LHX6: variants seen among roughly 807,000 people sequenced by gnomAD.
The protein encoded by LHX6 is LIM/homeobox protein Lhx6.
A neutral mutation model predicts 47.1 loss-of-function variants in LHX6; 15 were observed. The ratio of observed to expected loss-of-function variants is 0.32; its 90% CI spans 0.21 to 0.49. The LOEUF (loss-of-function observed/expected upper bound fraction) is 0.49, where lower values mean the gene tolerates loss of function less well. Ranked by LOEUF, LHX6 falls within the 20% of genes least tolerant of loss-of-function variation. The probability of loss-of-function intolerance (pLI) is 0.99; values close to 1 mark genes in which losing one functional copy is unlikely to be tolerated. For synonymous variants in LHX6, 242 were observed against 233.5 expected (o/e 1.04, Z -0.33); for missense variants, 404 against 539.6 (o/e 0.75, Z 2.49).
chr9:122,209,261 C>A (rs1214811937), intron 9 of LHX6, among the ~76,000 whole-genome samples: 1 of 152,170 alleles, frequency 6.6e-6, no homozygotes, highest in Non-Finnish European at 1.5e-5. Context: ...TCCCAACAGA[C>A]AAGAATGAAA....
At chr9:122,216,600 G>A (rs1445763286) in intron 5 of LHX6, among the ~76,000 whole-genome samples, 1 of 152,150 alleles carries the variant, frequency 6.6e-6, no homozygotes, top group Non-Finnish European at 1.5e-5. Context: ...CTCTGGCTTG[G>A]AGCTGCTAGG....
Position 122,228,898 on chromosome 9 carries a change from C to T in LHX6, c.-158G>A. On this transcript the variant is annotated 5_prime_UTR_variant, in exon 1 of 10. Coordinates refer to ENST00000394319, the MANE Select transcript of LHX6 (RefSeq NM_014368.5). Reference sequence around the variant, plus strand: ...CCCGGCCTCAGCCCCCGCCCCCGGCCCGCGCGCAGCCCCGGCCTCCCTGGC... The same window carrying T: ...CCCGGCCTCAGCCCCCGCCCCCGGCTCGCGCGCAGCCCCGGCCTCCCTGGC... The T allele has an allele frequency of 3.3e-6, 1 of 303,210 alleles. No homozygotes were observed. Among genetic ancestry groups the T allele is most frequent in the Non-Finnish European group, 5.4e-6 (1 of 185,642 alleles). The allele number at this position is 303,210 out of a possible 1,614,324, so 18.8% of individuals were successfully genotyped here. A position where few individuals can be genotyped will look rare whatever the true frequency, so the allele number is the denominator to read the frequency against.
At chr9:122,225,431 T>C (rs1267636732) in intron 4 of LHX6, among the ~76,000 whole-genome samples, 2 of 152,202 alleles carry the variant, frequency 1.3e-5, no homozygotes, top group African/African-American at 4.8e-5. Context: ...CTCGACCCCA[T>C]AATCAGGTCA....
intron 9 of LHX6, among the ~76,000 whole-genome samples, chr9:122,209,307 T>C (rs2118832607): frequency 6.6e-6 from 1 of 152,296 alleles, no homozygotes; most frequent in Admixed American, 6.5e-5. Flanking sequence ...AGTGGGGTGA[T>C]GAGTGATATA....
intron 4 of LHX6, among the ~76,000 whole-genome samples, chr9:122,225,904 C>T (rs1192050499): frequency 6.6e-6 from 1 of 152,196 alleles, no homozygotes; most frequent in Non-Finnish European, 1.5e-5. Context: ...GGGCAAGAGT[C>T]CGAAGCCCAG....
chr9:122,210,668 T>A (rs1830364814), intron 8 of LHX6, among the ~76,000 whole-genome samples: 1 of 152,148 alleles, frequency 6.6e-6, no homozygotes, highest in Non-Finnish European at 1.5e-5. Flanking sequence ...TTCAAGTGAT[T>A]CTCCCACCTT....
Position 122,226,219 on chromosome 9 carries a change from G to A in LHX6, c.461+157C>T, listed in dbSNP as rs1292218227. 1.3e-5 allele frequency among the ~76,000 whole-genome samples: 2 copies of A among 152,230 alleles called. No homozygotes were observed. Among genetic ancestry groups the A allele is most frequent in the Admixed American group, 1.3e-4 (2 of 15,290 alleles). The stretch of plus-strand genomic sequence containing the variant: ...GCGCTGCCTGGAGCTCTGGGTTCGC[G>A]CCGCTGAGCGCCGGCAGGTTGGACC... On this transcript the variant is annotated intron_variant, in intron 4 of 9. Coordinates refer to ENST00000394319, the MANE Select transcript of LHX6 (RefSeq NM_014368.5). This position sits in a 1 kb window ranked among gnomAD's most constrained non-coding sequence, Gnocchi z 6.5.
intron 8 of LHX6, among the ~76,000 whole-genome samples, chr9:122,211,190 A>T (rs775161937): frequency 2.0e-5 from 3 of 152,206 alleles, no homozygotes; most frequent in Non-Finnish European, 2.9e-5. Flanking sequence ...CTTTGGTCAC[A>T]GGGAAAGGGC....
chr9:122,223,786 G>A (rs1179710337), intron 4 of LHX6, among the ~76,000 whole-genome samples: 1 of 152,180 alleles, frequency 6.6e-6, no homozygotes, highest in Non-Finnish European at 1.5e-5. Flanking sequence ...CAGTATCCAA[G>A]GAGGCTCAGT....
Position 122,213,952 on chromosome 9 carries a change from G to GCCCCCCCCC in LHX6, c.879+21_879+22insGGGGGGGGG. ...TCCGGGGCGTGCCCGCGGTCCCCAGGCCCCGCCCACCCCCGTCCCACCTGG... is the reference window on the plus strand; with the variant it reads ...TCCGGGGCGTGCCCGCGGTCCCCAGGCCCCCCCCCCCCCGCCCACCCCCGTCCCACCTGG... On this transcript the variant is annotated intron_variant, in intron 7 of 9. Transcript: ENST00000394319. This position sits in a 1 kb window ranked among gnomAD's most constrained non-coding sequence, Gnocchi z 5.5. 6.2e-6 allele frequency: 9 copies of GCCCCCCCCC among 1,461,938 alleles called. No homozygotes were observed. Among genetic ancestry groups the GCCCCCCCCC allele is most frequent in the African/African-American group, 1.4e-5 (1 of 72,432 alleles). 90.6% of individuals were successfully genotyped at this position (1,461,938 alleles called of 1,614,324 possible). A position where few individuals can be genotyped will look rare whatever the true frequency, so the allele number is the denominator to read the frequency against.
chr9:122,207,730 C>G (rs1253589691), intron 9 of LHX6, among the ~76,000 whole-genome samples: 3 of 152,150 alleles, frequency 2.0e-5, no homozygotes, highest in African/African-American at 7.2e-5. Flanking sequence ...TCAGTACATA[C>G]TAGGTGTACT....
chr9:122,211,640 A>C (rs78948365), intron 8 of LHX6, among the ~76,000 whole-genome samples: 2,626 of 152,278 alleles, frequency 0.017, 70 homozygotes, highest in African/African-American at 0.06. Flanking sequence ...AGGTGCACAC[A>C]CCCCCAACCT....
rs1233359759 is a variant in LHX6, at chr9:122,226,171, C to A, written c.461+205G>T. Among the ~76,000 whole-genome samples the A allele has an allele frequency of 6.6e-6, 1 of 152,216 alleles. No homozygotes were observed. The highest frequency in any genetic ancestry group is 2.4e-5 in the African/African-American group (1 of 41,454). Reference sequence around the variant, plus strand: ...GCGAGGACCGAAGGCAGATCCGGGGCGCAAACCTGTGCAGGCACTGGCGCG... The same window carrying A: ...GCGAGGACCGAAGGCAGATCCGGGGAGCAAACCTGTGCAGGCACTGGCGCG... On this transcript the variant is annotated intron_variant, in intron 4 of 9. Transcript: ENST00000394319. The surrounding 1 kb of genome is among the most constrained non-coding windows in gnomAD (Gnocchi z 6.5).
intron 4 of LHX6, among the ~76,000 whole-genome samples, chr9:122,218,776 G>T (rs1410187307): frequency 6.6e-6 from 1 of 151,988 alleles, no homozygotes; most frequent in Non-Finnish European, 1.5e-5. Flanking sequence ...CACCATCCAG[G>T]CATGTGTCCC....
At position 122,209,993 on chromosome 9, in the gene LHX6, A is replaced by G. The variant is rs141447325; in HGVS notation, c.1055-276T>C. On this transcript the variant is annotated intron_variant, in intron 8 of 9. Transcript: ENST00000394319. The stretch of plus-strand genomic sequence containing the variant: ...CAGGTTCAGGCCATTCTCCTGCCTC[A>G]GCCTCCCAAGTAGCTGGGACTACAG... Among the ~76,000 whole-genome samples, 385 of 151,932 alleles carry G rather than the reference A, an allele frequency of 2.5e-3. 5 individuals are homozygous for G. The highest frequency in any genetic ancestry group is 4.1e-3 in the Non-Finnish European group (281 of 67,980).
intron 1 of LHX6, 102 bp from the exon 2 acceptor site, chr9:122,227,582 C>A: frequency 7.1e-7 from 1 of 1,399,494 alleles, no homozygotes; most frequent in South Asian, 1.6e-5. Context: ...AAACCGGCGC[C>A]GAACAATGAG....
intron 4 of LHX6, among the ~76,000 whole-genome samples, chr9:122,222,201 C>A (rs976049406): frequency 5.9e-5 from 9 of 152,170 alleles, no homozygotes; most frequent in Admixed American, 2.6e-4. Context: ...GCCAGGTGGG[C>A]ACTGCAGATC....
intron 1 of LHX6, 162 bp downstream of exon 1, chr9:122,228,495 C>CG (rs1276059206): frequency 6.9e-6 from 7 of 1,014,270 alleles, no homozygotes; most frequent in Admixed American, 6.7e-5. Flanking sequence ...GACCCCCCCC[C>CG]CCCGCTCGCG....
chr9:122,221,285 GC>G (rs1830844299), intron 4 of LHX6: 1 of 985,386 alleles, frequency 1.0e-6, no homozygotes. Flanking sequence ...GGAGGTCCCG[GC>G]CCCGAGGCTC....
Sources: allele counts gnomAD v4.1 joint callset (sites outside exome capture counted in the v4.1 genomes callset), GRCh38; gene constraint gnomAD v4.1.1; non-coding constraint Gnocchi (gnomAD v3.1); transcripts MANE v1.5; gene names NCBI Gene and HGNC (gene_info 2026-07-23, HGNC 2026-07-21).